Variants in ZNF787 observed in about 807,000 individuals in gnomAD.
ZNF787 encodes zinc finger protein 787.
In ZNF787, 7 loss-of-function variants were observed where a neutral mutation model predicts 16.9. The ratio of observed to expected loss-of-function variants is 0.42; its 90% confidence interval spans 0.24 to 0.78. ZNF787 has a LOEUF of 0.78. ZNF787 is among the 30% of genes least tolerant of loss of function. The pLI is 0.30. For synonymous variants in ZNF787, 345 were observed against 270.9 expected (o/e 1.27, Z -2.69); for missense variants, 551 against 589.3 (o/e 0.94, Z 0.67).
intron 1 of ZNF787, among the ~76,000 whole-genome samples, chr19:56,120,484 G>A (rs2030258108): frequency 6.6e-6 from 1 of 152,174 alleles, no homozygotes; most frequent in Non-Finnish European, 1.5e-5. Flanking sequence ...TTCCCCCGCT[G>A]GGGACGCGCT....
chr19:56,113,704 G>C (rs75748663), intron 1 of ZNF787, among the ~76,000 whole-genome samples: 12 of 21,646 alleles, frequency 5.5e-4, no homozygotes, highest in South Asian at 0.033. Context: ...GAGGCAGGGA[G>C]GCAGGGAGGG....
chr19:56,103,014 C>T (rs773261237), intron 2 of ZNF787, 125 bp downstream of exon 2: 31 of 1,016,708 alleles, frequency 3.0e-5, no homozygotes, highest in South Asian at 2.0e-4. Context: ...AGGCCAGGGT[C>T]GGGTGGTCCC....
rs1985360160 is a variant in ZNF787, at chr19:56,087,905, G to T, written c.*118C>A. On this transcript the variant is annotated 3_prime_UTR_variant, in exon 3 of 3. Coordinates refer to ENST00000610935, the MANE Select transcript of ZNF787 (RefSeq NM_001002836.4). ...AGGGACAGAGGAGGGCGGGGAGCCGGGGATGCCGCGGGGTCCATCGCACCC... is the reference window on the plus strand; with the variant it reads ...AGGGACAGAGGAGGGCGGGGAGCCGTGGATGCCGCGGGGTCCATCGCACCC... 2 of 1,272,998 alleles carry T rather than the reference G, an allele frequency of 1.6e-6. No individual in the cohort carries two copies. Among genetic ancestry groups the T allele is most frequent in the Non-Finnish European group, 2.0e-6 (2 of 1,009,474 alleles). 78.9% of individuals were successfully genotyped at this position (1,272,998 alleles called of 1,614,324 possible). A position where few individuals can be genotyped will look rare whatever the true frequency, so the allele number is the denominator to read the frequency against.
intron 1 of ZNF787, among the ~76,000 whole-genome samples, chr19:56,116,236 TC>T (rs1344024889): frequency 6.6e-6 from 1 of 151,814 alleles, no homozygotes; most frequent in Non-Finnish European, 1.5e-5. Flanking sequence ...GGTCAGGAGA[TC>T]GAGACCATCC....
In ZNF787 at chr19:56,087,874, C is replaced by A. The variant is rs563726598; in HGVS notation, c.*149G>T. The A allele has an allele frequency of 6.6e-6, 8 of 1,206,906 alleles. No individual in the cohort carries two copies. The African/African-American group carries it at 1.3e-4, about 19-fold the overall frequency. The allele number at this position is 1,206,906 out of a possible 1,614,324, so 74.8% of individuals were successfully genotyped here. On this transcript the variant is annotated 3_prime_UTR_variant, in exon 3 of 3. Transcript: ENST00000610935. ...ATACGCCCCAGTGCCCCCCCACGGACGGCGCAGGGACAGAGGAGGGCGGGG... is the reference window on the plus strand; with the variant it reads ...ATACGCCCCAGTGCCCCCCCACGGAAGGCGCAGGGACAGAGGAGGGCGGGG...
intron 2 of ZNF787, among the ~76,000 whole-genome samples, chr19:56,097,174 T>C (rs933951163): frequency 6.6e-5 from 10 of 152,114 alleles, no homozygotes; most frequent in African/African-American, 2.4e-4. Flanking sequence ...TGGGGTTTTG[T>C]GCAAATCCAA....
intron 2 of ZNF787, among the ~76,000 whole-genome samples, chr19:56,098,302 G>A (rs73934669): frequency 0.024 from 3,718 of 152,314 alleles, 147 homozygotes; most frequent in African/African-American, 0.084. Flanking sequence ...CCTCTGGATC[G>A]TGGGGACCCA....
At chr19:56,098,845 G>A (rs372818207) in intron 2 of ZNF787, among the ~76,000 whole-genome samples, 12 of 144,528 alleles carry the variant, frequency 8.3e-5, no homozygotes, top group Admixed American at 6.7e-4. Flanking sequence ...TGATACGGCC[G>A]CAGGGTGATA....
intron 2 of ZNF787, among the ~76,000 whole-genome samples, chr19:56,093,273 G>T (rs1175043274): frequency 6.6e-6 from 1 of 151,082 alleles, no homozygotes; most frequent in Non-Finnish European, 1.5e-5. Context: ...CATAGATACA[G>T]GGGATGGCGA....
chr19:56,092,015 A>AGCCG (rs1226836021), intron 2 of ZNF787, among the ~76,000 whole-genome samples: 153 of 84,016 alleles, frequency 1.8e-3, no homozygotes, highest in African/African-American at 5.2e-3. Context: ...CCAAAGCCGA[A>AGCCG]ACCGAAGCCG....
chr19:56,089,977 A>G (rs944958500), intron 2 of ZNF787, among the ~76,000 whole-genome samples: 6 of 152,156 alleles, frequency 3.9e-5, no homozygotes, highest in Non-Finnish European at 7.4e-5. Flanking sequence ...CCTGGTCCAG[A>G]GCAACAGAAT....
intron 1 of ZNF787, among the ~76,000 whole-genome samples, chr19:56,108,703 T>G (rs751919865): frequency 5.9e-5 from 9 of 151,984 alleles, no homozygotes; most frequent in Non-Finnish European, 7.4e-5. Context: ...AGCACAGGCT[T>G]AAGACCAGAC....
chr19:56,089,207 G>A (rs1252649191), intron 2 of ZNF787, 115 bp from the exon 3 acceptor site: 2 of 652,326 alleles, frequency 3.1e-6, no homozygotes, highest in African/African-American at 3.8e-5. Context: ...GACCTGCCCT[G>A]GTGTCCTCAG....
At chr19:56,116,666 G>C (rs955826489) in intron 1 of ZNF787, among the ~76,000 whole-genome samples, 2 of 152,036 alleles carry the variant, frequency 1.3e-5, no homozygotes, top group Non-Finnish European at 2.9e-5. Flanking sequence ...CTTACATTCT[G>C]TGACCCCTCT....
At chr19:56,092,745 A>T (rs1599940825) in intron 2 of ZNF787, among the ~76,000 whole-genome samples, 1 of 150,912 alleles carries the variant, frequency 6.6e-6, no homozygotes, top group East Asian at 2.0e-4. Flanking sequence ...GACACAGGGG[A>T]TGACAGAGCT....
intron 1 of ZNF787, among the ~76,000 whole-genome samples, chr19:56,120,299 C>T (rs1303746895): frequency 6.6e-6 from 1 of 151,732 alleles, no homozygotes; most frequent in Non-Finnish European, 1.5e-5. Flanking sequence ...CACTCATCCA[C>T]ATGAATTGGG....
intron 1 of ZNF787, among the ~76,000 whole-genome samples, chr19:56,107,828 G>A (rs2029877859): frequency 6.6e-6 from 1 of 151,868 alleles, no homozygotes. Context: ...GGCATGCTGG[G>A]GGCTGCGGGA....
At chr19:56,120,476 C>T (rs928363156) in intron 1 of ZNF787, among the ~76,000 whole-genome samples, 1 of 152,204 alleles carries the variant, frequency 6.6e-6, no homozygotes. Flanking sequence ...CCAGTCACTT[C>T]CCCCGCTGGG....
At chr19:56,098,641 G>C (rs1291847876) in intron 2 of ZNF787, among the ~76,000 whole-genome samples, 13 of 38,364 alleles carry the variant, frequency 3.4e-4, no homozygotes, top group South Asian at 1.1e-3. Context: ...GGGTGATACA[G>C]CCGCAGGGTG....
Sources: allele counts gnomAD v4.1 joint callset (sites outside exome capture counted in the v4.1 genomes callset), GRCh38; gene constraint gnomAD v4.1.1; transcripts MANE v1.5; gene names NCBI Gene and HGNC (gene_info 2026-07-23, HGNC 2026-07-21).